The following AMZ1 variants were observed in gnomAD, a reference collection of about 807,000 sequenced individuals.
The protein encoded by AMZ1 is archaemetzincin-1.
Under a neutral mutation model 29.9 loss-of-function variants are expected in AMZ1, and 39 were observed. The ratio of observed to expected loss-of-function variants is 1.30; its 90% confidence interval spans 1.01 to 1.70. The LOEUF (loss-of-function observed/expected upper bound fraction) is 1.70, where lower values mean the gene tolerates loss of function less well. AMZ1 is among the 40% of genes most tolerant of loss of function. The pLI, the probability that AMZ1 is intolerant of heterozygous loss-of-function variation, is 0.00. For missense variants in AMZ1, 1,041 were observed against 680.6 expected (o/e 1.53, Z -5.89); for synonymous variants, 458 against 304.0 (o/e 1.51, Z -5.27).
intron 6 of AMZ1, 128 bp downstream of exon 6, chr7:2,709,944 T>C (rs1238750490): frequency 6.9e-6 from 9 of 1,298,352 alleles, no homozygotes; most frequent in Admixed American, 2.5e-5. Flanking sequence ...TTCCAGGCAG[T>C]GCAGAGCCCT....
intron 1 of AMZ1, 97 bp from the exon 2 acceptor site, chr7:2,700,137 T>G: frequency 2.6e-6 from 1 of 389,020 alleles, no homozygotes; most frequent in East Asian, 4.4e-5. Context: ...CTGCAGAGCT[T>G]CTCCCCAGGC....
chr7:2,737,471 TAG>T (rs1238051357), intron 4 of AMZ1, among the ~76,000 whole-genome samples: 1 of 151,970 alleles, frequency 6.6e-6, no homozygotes, highest in Admixed American at 6.6e-5. Flanking sequence ...GTATTTTTAG[TAG>T]AGACGGGGTT....
chr7:2,703,198 GTGCCGT>G (rs1374775600), intron 3 of AMZ1, among the ~76,000 whole-genome samples: 1 of 152,156 alleles, frequency 6.6e-6, no homozygotes, highest in Non-Finnish European at 1.5e-5. Flanking sequence ...CCAGGCTGGA[GTGCCGT>G]GGCGCGATCT....
At chr7:2,728,939 C>A (rs1789745308) in intron 4 of AMZ1, 1 of 152,406 alleles carries the variant, frequency 6.6e-6, no homozygotes, top group Non-Finnish European at 1.5e-5. Context: ...CGCCGGGGGC[C>A]ATCCCCCTGC....
In AMZ1 at chr7:2,715,603, G is replaced by C. The variant is rs7797295; in HGVS notation, c.*2725G>C. The C allele has an allele frequency of 0.63, 95,231 of 152,106 alleles. 30,969 individuals carry two copies. Among genetic ancestry groups the C allele is most frequent in the African/African-American group, 0.78 (32,436 of 41,502 alleles). The allele number at this position is 152,106 out of a possible 1,614,324, so 9.4% of individuals were successfully genotyped here. A position where few individuals can be genotyped will look rare whatever the true frequency, so the allele number is the denominator to read the frequency against. On this transcript the variant is annotated 3_prime_UTR_variant, in exon 7 of 7. Coordinates refer to ENST00000683327, the MANE Select transcript of AMZ1 (RefSeq NM_001384743.1). ...AAAAAAAACTCCTTTTATCCGCAGC[G>C]TTTACCAACTTGCAGATGTCAGTGA...
At chr7:2,730,153 G>A (rs1189692337) in intron 4 of AMZ1, 5 of 152,346 alleles carry the variant, frequency 3.3e-5, no homozygotes, top group African/African-American at 1.2e-4. Flanking sequence ...AAGCAGCTGG[G>A]GCATTAACAA....
At chr7:2,685,377 G>A (rs1397410429), upstream of AMZ1, among the ~76,000 whole-genome samples, 1 of 151,656 alleles carries the variant, frequency 6.6e-6, no homozygotes, top group African/African-American at 2.4e-5. Flanking sequence ...GGCCAACAGG[G>A]TGAAGCCCTG....
chr7:2,721,715 C>CAAA (rs35321742), downstream of AMZ1, among the ~76,000 whole-genome samples: 1 of 125,038 alleles, frequency 8.0e-6, no homozygotes, highest in Admixed American at 8.1e-5. Context: ...GACTACGTCT[C>CAAA]AAAAAAAAAA....
chr7:2,734,383 C>A (rs547639832), intron 4 of AMZ1, among the ~76,000 whole-genome samples: 74 of 152,314 alleles, frequency 4.9e-4, no homozygotes, highest in African/African-American at 1.7e-3. Flanking sequence ...CACCAGCAGG[C>A]GGGGTCAAGG....
Position 2,709,059 on chromosome 7 carries a change from C to T in AMZ1, c.602-16C>T, listed in dbSNP as rs188678758. ...GGCTGACCCCTGAGAGTGCCCTTCTCTCCATCTCTCTCCAGAAGTGGGCGT... is the reference window on the plus strand; with the variant it reads ...GGCTGACCCCTGAGAGTGCCCTTCTTTCCATCTCTCTCCAGAAGTGGGCGT... On this transcript the variant is annotated splice_polypyrimidine_tract_variant and intron_variant, in intron 4 of 6. Transcript: ENST00000683327. 61 of 1,560,864 alleles carry T rather than the reference C, an allele frequency of 3.9e-5. No individual in the cohort carries two copies. The Admixed American group carries it at 4.5e-4, about 12-fold the overall frequency.
intron 4 of AMZ1, among the ~76,000 whole-genome samples, chr7:2,757,848 C>G (rs375779824): frequency 1.1e-4 from 16 of 152,260 alleles, no homozygotes; most frequent in African/African-American, 3.6e-4. Flanking sequence ...TTTTTTCAAA[C>G]CTGACTTTTT....
chr7:2,735,941 G>C (rs1426304125), intron 4 of AMZ1, among the ~76,000 whole-genome samples: 1 of 152,134 alleles, frequency 6.6e-6, no homozygotes, highest in Non-Finnish European at 1.5e-5. Context: ...CCAGAACGCT[G>C]TCACTCACAT....
intron 3 of AMZ1, among the ~76,000 whole-genome samples, chr7:2,705,954 C>T (rs577788680): frequency 2.0e-5 from 3 of 152,336 alleles, no homozygotes; most frequent in South Asian, 4.1e-4. Context: ...CCTGTTGGTG[C>T]CAGGCCTGTG....
At chr7:2,692,015 C>G (rs945764128) in intron 1 of AMZ1, among the ~76,000 whole-genome samples, 1 of 152,146 alleles carries the variant, frequency 6.6e-6, no homozygotes, top group African/African-American at 2.4e-5. Context: ...TGGTGCTTGC[C>G]CCTTGTGGGC....
intron 4 of AMZ1, among the ~76,000 whole-genome samples, chr7:2,740,189 C>T (rs933847859): frequency 1.3e-5 from 2 of 152,086 alleles, no homozygotes; most frequent in Non-Finnish European, 2.9e-5. Flanking sequence ...TCTGGCATTT[C>T]CTGGTGATCT....
intron 6 of AMZ1, among the ~76,000 whole-genome samples, chr7:2,710,525 C>G (rs575814538): frequency 1.1e-3 from 168 of 152,216 alleles, no homozygotes; most frequent in Non-Finnish European, 1.8e-3. Flanking sequence ...GGTGTGGTTC[C>G]CGGACCGAGC....
At chr7:2,707,224 G>GA (rs1788406424) in intron 3 of AMZ1, among the ~76,000 whole-genome samples, 1 of 151,190 alleles carries the variant, frequency 6.6e-6, no homozygotes. Flanking sequence ...AGTGAACTGA[G>GA]ATAGATAGCG....
chr7:2,721,539 G>A (rs1789420650), downstream of AMZ1, among the ~76,000 whole-genome samples: 1 of 152,042 alleles, frequency 6.6e-6, no homozygotes, highest in Non-Finnish European at 1.5e-5. Context: ...ACACGGTGAA[G>A]CCCTGTCTCT....
chr7:2,686,785 G>A (rs976292055), upstream of AMZ1, among the ~76,000 whole-genome samples: 2 of 151,752 alleles, frequency 1.3e-5, no homozygotes, highest in Non-Finnish European at 2.9e-5. Flanking sequence ...CATAATCTCG[G>A]CTCACTGCAA....
Sources: gnomAD v4.1 joint callset for allele counts (sites outside exome capture counted in the v4.1 genomes callset) on GRCh38, gnomAD v4.1.1 for gene constraint, MANE v1.5 for transcripts, NCBI Gene and HGNC (gene_info 2026-07-23, HGNC 2026-07-21) for gene names.